IFT80: variants seen among roughly 807,000 people sequenced by gnomAD.
IFT80 encodes intraflagellar transport 80, also known as intraflagellar transport protein 80 homolog.
IFT80 carries 79 observed loss-of-function variants against 107.9 expected under a neutral mutation model. The observed-to-expected ratio is 0.73, with a 90% confidence interval of 0.61 to 0.88. The LOEUF (loss-of-function observed/expected upper bound fraction) is 0.88. IFT80 is among the 40% of genes least tolerant of loss of function. The pLI, the probability that IFT80 is intolerant of heterozygous loss-of-function variation, is 0.00. For synonymous variants in IFT80, 299 were observed against 300.9 expected, an observed-to-expected ratio of 0.99 and a Z score of 0.07; for missense variants, 797 against 914.2, an observed-to-expected ratio of 0.87 and a Z score of 1.65.
intron 9 of IFT80, among the ~76,000 whole-genome samples, chr3:160,310,266 T>C (rs974393402): frequency 6.6e-5 from 10 of 152,184 alleles, no homozygotes; most frequent in East Asian, 5.8e-4. Flanking sequence ...CAAAAGAACA[T>C]AGGAGCCAAC....
At chr3:160,309,569 C>T (rs77575620) in intron 9 of IFT80, among the ~76,000 whole-genome samples, 32,076 of 151,942 alleles carry the variant, frequency 0.21, 3,722 homozygotes, top group Non-Finnish European at 0.26. Context: ...CCCCTGTAGT[C>T]CCAGCTACTC....
intron 6 of IFT80, among the ~76,000 whole-genome samples, chr3:160,363,351 G>A (rs762010254): frequency 1.1e-4 from 16 of 151,860 alleles, no homozygotes; most frequent in Non-Finnish European, 2.2e-4. Flanking sequence ...ACCACTGCTC[G>A]ACAAAATAAA....
intron 18 of IFT80, among the ~76,000 whole-genome samples, chr3:160,272,313 T>G (rs1018754314): frequency 1.3e-5 from 2 of 152,134 alleles, no homozygotes; most frequent in Non-Finnish European, 2.9e-5. Context: ...AAGGTATGAC[T>G]GCAATATTGT....
chr3:160,356,493 T>C (rs1475287721), intron 7 of IFT80, among the ~76,000 whole-genome samples: 1 of 152,180 alleles, frequency 6.6e-6, no homozygotes, highest in African/African-American at 2.4e-5. Context: ...TAATAGTACA[T>C]TTTGAAATGT....
chr3:160,346,520 G>A (rs1274957381), intron 8 of IFT80, among the ~76,000 whole-genome samples: 4 of 152,072 alleles, frequency 2.6e-5, no homozygotes, highest in Non-Finnish European at 5.9e-5. Flanking sequence ...CATATGCCTT[G>A]TAATTTTTTG....
intron 12 of IFT80, among the ~76,000 whole-genome samples, chr3:160,297,994 T>C (rs1716121360): frequency 6.6e-6 from 1 of 152,142 alleles, no homozygotes; most frequent in Admixed American, 6.6e-5. Flanking sequence ...CTTCCAGACA[T>C]TTGTTTCAAA....
At chr3:160,378,748 A>T (rs1712237127) in intron 3 of IFT80, among the ~76,000 whole-genome samples, 1 of 152,044 alleles carries the variant, frequency 6.6e-6, no homozygotes, top group South Asian at 2.1e-4. Flanking sequence ...TAATATATTT[A>T]TGAAATAAAA....
chr3:160,266,540 T>C (rs972133508), intron 19 of IFT80, among the ~76,000 whole-genome samples: 1 of 151,968 alleles, frequency 6.6e-6, no homozygotes, highest in South Asian at 2.1e-4. Flanking sequence ...TGAGCCACCA[T>C]GTCCAGCTAA....
chr3:160,270,333 T>C (rs968106478), intron 18 of IFT80, among the ~76,000 whole-genome samples: 1 of 152,206 alleles, frequency 6.6e-6, no homozygotes, highest in African/African-American at 2.4e-5. Flanking sequence ...AACTAAATAG[T>C]CACTTTAAAA....
intron 8 of IFT80, among the ~76,000 whole-genome samples, chr3:160,324,425 TC>T (rs2108306251): frequency 6.6e-6 from 1 of 152,184 alleles, no homozygotes; most frequent in South Asian, 2.1e-4. Context: ...AAAAAGCTTA[TC>T]CACCATGATC....
At chr3:160,360,264 A>T (rs1721396475) in intron 6 of IFT80, among the ~76,000 whole-genome samples, 1 of 152,232 alleles carries the variant, frequency 6.6e-6, no homozygotes, top group African/African-American at 2.4e-5. Flanking sequence ...CAGTGATTGA[A>T]GATCAAATTA....
intron 12 of IFT80, among the ~76,000 whole-genome samples, chr3:160,294,227 T>C (rs1715800603): frequency 6.6e-6 from 1 of 152,098 alleles, no homozygotes. Context: ...AACTTTTTTT[T>C]TCTTTTTTGG....
intron 3 of IFT80, among the ~76,000 whole-genome samples, chr3:160,380,878 A>G (rs1712435013): frequency 6.6e-6 from 1 of 152,074 alleles, no homozygotes; most frequent in Non-Finnish European, 1.5e-5. Flanking sequence ...TATTAAGTTA[A>G]ATTTGAAGAA....
intron 2 of IFT80, 122 bp from the exon 3 acceptor site, chr3:160,381,846 A>G: frequency 1.3e-6 from 1 of 769,920 alleles, no homozygotes. Flanking sequence ...TTCTAAATGT[A>G]TTTTCCATTT....
intron 6 of IFT80, among the ~76,000 whole-genome samples, chr3:160,365,336 T>TA (rs1412830336): frequency 6.6e-6 from 1 of 152,128 alleles, no homozygotes; most frequent in East Asian, 1.9e-4. Context: ...TCTGTACAGA[T>TA]GTTATAATAT....
At chr3:160,336,273 G>C (rs988145939) in intron 8 of IFT80, among the ~76,000 whole-genome samples, 2 of 152,124 alleles carry the variant, frequency 1.3e-5, no homozygotes, top group Admixed American at 1.3e-4. Context: ...TGAGCACCAG[G>C]AGCAGACAAT....
At chr3:160,318,194 G>A (rs1339701240) in intron 9 of IFT80, among the ~76,000 whole-genome samples, 1 of 151,576 alleles carries the variant, frequency 6.6e-6, no homozygotes, top group Non-Finnish European at 1.5e-5. Context: ...ATACTAGTCT[G>A]TGTGTGTTTT....
rs755893133 is a variant in IFT80, at chr3:160,263,699, C to T, written c.2223+4714G>A. On this transcript the variant is annotated intron_variant, in intron 19 of 19. Coordinates refer to ENST00000326448, the MANE Select transcript of IFT80 (RefSeq NM_020800.3). ...ATTTTTATTTTATTTTTTGTGGGGACGGAGTCTCACTCTGTTGCCCATGCT... is the reference window on the plus strand; with the variant it reads ...ATTTTTATTTTATTTTTTGTGGGGATGGAGTCTCACTCTGTTGCCCATGCT... Among the ~76,000 whole-genome samples, 75 of 151,924 alleles carry T rather than the reference C, an allele frequency of 4.9e-4. 1 individual carries two copies. The highest frequency in any genetic ancestry group is 2.8e-4 in the Non-Finnish European group (19 of 67,984).
chr3:160,374,734 C>G (rs1711864811), intron 5 of IFT80, among the ~76,000 whole-genome samples: 1 of 152,130 alleles, frequency 6.6e-6, no homozygotes, highest in Admixed American at 6.5e-5. Context: ...AAAAGTAAAT[C>G]CATCTGCCTA....
Sources: allele counts gnomAD v4.1 joint callset (sites outside exome capture counted in the v4.1 genomes callset), GRCh38; gene constraint gnomAD v4.1.1; transcripts MANE v1.5; gene names NCBI Gene and HGNC (gene_info 2026-07-23, HGNC 2026-07-21).